Variants in CARMIL1 observed in about 807,000 individuals in gnomAD.
CARMIL1 encodes the protein capping protein regulator and myosin 1 linker 1.
In CARMIL1, 90 loss-of-function variants were observed where a neutral mutation model predicts 177.1. The ratio of observed to expected loss-of-function variants is 0.51; its 90% CI spans 0.43 to 0.61. The LOEUF (loss-of-function observed/expected upper bound fraction) is 0.61, where lower values mean the gene tolerates loss of function less well. Among genes scored for constraint, CARMIL1 ranks in the 20% least tolerant of loss-of-function variants. The pLI, the probability that CARMIL1 is intolerant of heterozygous loss-of-function variation, is 0.00. For missense variants in CARMIL1, 1,380 were observed against 1,667.0 expected (o/e 0.83, Z 3.00); for synonymous variants, 577 against 606.2 (o/e 0.95, Z 0.71).
At chr6:25,491,156 T>C (rs1395264406) in intron 13 of CARMIL1, among the ~76,000 whole-genome samples, 2 of 152,214 alleles carry the variant, frequency 1.3e-5, no homozygotes, top group African/African-American at 2.4e-5. Context: ...AGTTTAAGCA[T>C]TGTGACCCCC....
intron 31 of CARMIL1, among the ~76,000 whole-genome samples, chr6:25,587,340 G>A (rs1229807367): frequency 6.6e-6 from 1 of 152,096 alleles, no homozygotes. Context: ...TACTGTAGTA[G>A]TAAGAGCAGG....
intron 8 of CARMIL1, among the ~76,000 whole-genome samples, chr6:25,461,159 T>A (rs1800084510): frequency 6.6e-6 from 1 of 152,198 alleles, no homozygotes; most frequent in Admixed American, 6.5e-5. Context: ...TTAGACTCCT[T>A]CCATATCTCT....
At chr6:25,318,201 T>C (rs1439513602) in intron 2 of CARMIL1, among the ~76,000 whole-genome samples, 1 of 151,408 alleles carries the variant, frequency 6.6e-6, no homozygotes, top group East Asian at 1.9e-4. Flanking sequence ...GTGCGCACAG[T>C]GGGTTGGAAG....
intron 2 of CARMIL1, among the ~76,000 whole-genome samples, chr6:25,395,663 C>G (rs1464048473): frequency 6.6e-6 from 1 of 152,050 alleles, no homozygotes; most frequent in Non-Finnish European, 1.5e-5. Flanking sequence ...TTAATGATTG[C>G]TCATATAGTA....
chr6:25,566,197 A>G (rs1811544031), intron 29 of CARMIL1, among the ~76,000 whole-genome samples: 1 of 152,216 alleles, frequency 6.6e-6, no homozygotes, highest in Admixed American at 6.5e-5. Flanking sequence ...TCCCCTATTC[A>G]GTATCCAGAA....
intron 26 of CARMIL1, among the ~76,000 whole-genome samples, chr6:25,546,935 A>G (rs1809550694): frequency 6.6e-6 from 1 of 151,810 alleles, no homozygotes; most frequent in African/African-American, 2.4e-5. Flanking sequence ...GGTGCTTGTA[A>G]TCCCAGCTAC....
chr6:25,590,592 C>G (rs1320547689), intron 31 of CARMIL1, among the ~76,000 whole-genome samples: 2 of 150,472 alleles, frequency 1.3e-5, no homozygotes, highest in East Asian at 3.9e-4. Flanking sequence ...CATCTGGGCC[C>G]TAAGTGTTGT....
chr6:25,437,130 C>T (rs1797299504), intron 5 of CARMIL1, among the ~76,000 whole-genome samples: 1 of 152,162 alleles, frequency 6.6e-6, no homozygotes, highest in Non-Finnish European at 1.5e-5. Flanking sequence ...AACCCATCTT[C>T]CTTAAACTAC....
chr6:25,364,644 A>T (rs979303495), intron 2 of CARMIL1, among the ~76,000 whole-genome samples: 19 of 150,750 alleles, frequency 1.3e-4, no homozygotes, highest in African/African-American at 4.6e-4. Flanking sequence ...GCTCACTGCG[A>T]CCTCCGTCTC....
intron 17 of CARMIL1, among the ~76,000 whole-genome samples, chr6:25,503,229 A>T (rs1302602768): frequency 6.6e-6 from 1 of 152,208 alleles, no homozygotes. Flanking sequence ...GACATGGGGA[A>T]GTCTTGAAAG....
intron 5 of CARMIL1, among the ~76,000 whole-genome samples, chr6:25,445,406 G>A (rs951567600): frequency 1.2e-4 from 18 of 152,008 alleles, no homozygotes; most frequent in South Asian, 4.1e-4. Flanking sequence ...ACCTCTTCCC[G>A]TGAGTCATGA....
At position 25,458,111 on chromosome 6, in the gene CARMIL1, C is replaced by T. The variant is rs535425832; in HGVS notation, c.614+7400C>T. On this transcript the variant is annotated intron_variant, in intron 8 of 36. Transcript: ENST00000329474. ...ACAGATCAGAAAGATGGTATCAGAA[C>T]TAGGTAATCTAGGTTTAATAGGTTA... Among the ~76,000 whole-genome samples, 10 of 152,080 alleles carry T rather than the reference C, an allele frequency of 6.6e-5. No individual in the cohort carries two copies. The South Asian group carries it at 2.1e-3, about 32-fold the overall frequency.
At chr6:25,372,090 C>T (rs761262461) in intron 2 of CARMIL1, among the ~76,000 whole-genome samples, 1 of 152,180 alleles carries the variant, frequency 6.6e-6, no homozygotes, top group Non-Finnish European at 1.5e-5. Flanking sequence ...ACTGTGTTCT[C>T]TGTTCTGTTA....
chr6:25,510,242 C>G (rs1805339452), intron 18 of CARMIL1, among the ~76,000 whole-genome samples: 1 of 152,090 alleles, frequency 6.6e-6, no homozygotes. Context: ...TTATTCATTC[C>G]CATTTCCTGC....
chr6:25,390,602 A>G (rs934250059), intron 2 of CARMIL1, among the ~76,000 whole-genome samples: 1 of 151,786 alleles, frequency 6.6e-6, no homozygotes, highest in Non-Finnish European at 1.5e-5. Flanking sequence ...GATTACAAGC[A>G]TGAGCCACTG....
intron 2 of CARMIL1, among the ~76,000 whole-genome samples, chr6:25,286,163 G>A (rs1276382525): frequency 6.6e-6 from 1 of 152,254 alleles, no homozygotes; most frequent in African/African-American, 2.4e-5. Context: ...ATGAGCCACT[G>A]TGCGTGGCCT....
At chr6:25,478,416 A>G (rs1194498492) in intron 11 of CARMIL1, among the ~76,000 whole-genome samples, 1 of 152,196 alleles carries the variant, frequency 6.6e-6, no homozygotes, top group African/African-American at 2.4e-5. Flanking sequence ...AAATACAATG[A>G]TAGTACCTAC....
rs540733438 is a variant in CARMIL1, at chr6:25,592,086, T to C, written c.3007-2329T>C. ...TGTTTCAAAATGAAAAGAGGAATCA[T>C]TGGGGGAAGCTGGGAGGAAGCCCTG... is the stretch of plus-strand genomic sequence containing the variant. On this transcript the variant is annotated intron_variant, in intron 31 of 36. Transcript: ENST00000329474. Among the ~76,000 whole-genome samples, 6 of 152,052 alleles carry C rather than the reference T, an allele frequency of 3.9e-5. No individual in the cohort carries two copies. In the East Asian group the frequency reaches 5.8e-4, roughly 15 times the overall value.
At chr6:25,477,364 G>A (rs1328507500) in intron 11 of CARMIL1, among the ~76,000 whole-genome samples, 2 of 152,048 alleles carry the variant, frequency 1.3e-5, no homozygotes, top group Non-Finnish European at 2.9e-5. Flanking sequence ...AAGGAGGTTC[G>A]AGTATGACTT....
Sources: gnomAD v4.1 joint callset for allele counts (sites outside exome capture counted in the v4.1 genomes callset) on GRCh38, gnomAD v4.1.1 for gene constraint, MANE v1.5 for transcripts, NCBI Gene and HGNC (gene_info 2026-07-23, HGNC 2026-07-21) for gene names.